IPO11: variants seen among roughly 807,000 people sequenced by gnomAD.
The protein encoded by IPO11 is importin 11, also known as importin-11.
IPO11 carries 66 observed loss-of-function variants against 143.2 expected under a neutral mutation model. That is an observed-to-expected ratio of 0.46 (90% CI 0.38 to 0.57). The LOEUF is 0.57. IPO11 is among the 20% of genes least tolerant of loss of function. The probability of loss-of-function intolerance (pLI) is 0.00; values close to 1 mark genes in which losing one functional copy is unlikely to be tolerated. For missense variants in IPO11, 1,026 were observed against 1,141.0 expected, an observed-to-expected ratio of 0.90 and a Z score of 1.45; for synonymous variants, 385 against 377.8, an observed-to-expected ratio of 1.02 and a Z score of -0.22.
intron 1 of IPO11, among the ~76,000 whole-genome samples, chr5:62,415,687 C>T (rs923960491): frequency 1.3e-5 from 2 of 151,560 alleles, no homozygotes; most frequent in East Asian, 3.9e-4. Context: ...AGGCTGGTCT[C>T]GAACTCTCGA....
chr5:62,473,622 C>T (rs906777473), intron 7 of IPO11, among the ~76,000 whole-genome samples: 37 of 152,028 alleles, frequency 2.4e-4, no homozygotes, highest in African/African-American at 8.9e-4. Context: ...CATCATCATC[C>T]AGTATTTCAT....
In IPO11 at chr5:62,626,219, G is replaced by A. The variant is rs112001503; in HGVS notation, c.2764-935G>A. Among the ~76,000 whole-genome samples, 530 of 152,066 alleles carry A rather than the reference G, an allele frequency of 3.5e-3. 4 individuals carry two copies. Among genetic ancestry groups the A allele is most frequent in the African/African-American group, 0.012 (502 of 41,496 alleles). On this transcript the variant is annotated intron_variant, in intron 29 of 29. Coordinates refer to ENST00000325324, the MANE Select transcript of IPO11 (RefSeq NM_016338.5). ...TAATTTTTGTATTTTCAGTAGAGAC[G>A]GGGTTTCACCATATTGGCCAGGCTG... is the stretch of plus-strand genomic sequence containing the variant.
rs965907736 is a variant in IPO11, at chr5:62,451,702, T to G, written c.313-28T>G. The G allele has an allele frequency of 6.3e-6, 10 of 1,576,546 alleles. No individual in the cohort carries two copies. The African/African-American group carries it at 1.3e-4, about 21-fold the overall frequency. ...ATGCATTCCTTATCTATTGCCTTGA[T>G]TCCATTTGTTTAATTTTTTCCTTTC... is the stretch of plus-strand genomic sequence containing the variant. On this transcript the variant is annotated intron_variant, in intron 4 of 29. Coordinates refer to ENST00000325324, the MANE Select transcript of IPO11 (RefSeq NM_016338.5).
At chr5:62,497,606 C>G (rs191634006) in intron 16 of IPO11, among the ~76,000 whole-genome samples, 9 of 152,212 alleles carry the variant, frequency 5.9e-5, no homozygotes, top group African/African-American at 1.7e-4. Flanking sequence ...GTTGCTAGGA[C>G]TATAGGAGTG....
rs115852805 is a variant in IPO11, at chr5:62,461,144, C to G, written c.517-5987C>G. On this transcript the variant is annotated intron_variant, in intron 5 of 29. Transcript: ENST00000325324. ...ATGGGACTACTGCAGTGGGGTTTTG[C>G]AGTAGGGGAGAGAAATTGTGCTCAA... Among the ~76,000 whole-genome samples the G allele has an allele frequency of 4.6e-3, 692 of 151,882 alleles. 5 individuals carry two copies. The highest frequency in any genetic ancestry group is 0.016 in the African/African-American group (649 of 41,376).
intron 3 of IPO11, chr5:62,443,348 C>G (rs1007942770): frequency 1.9e-4 from 59 of 306,586 alleles, no homozygotes; most frequent in African/African-American, 1.2e-3. Flanking sequence ...AAATCAACAG[C>G]TATATTATTG....
chr5:62,467,355 T>G, intron 6 of IPO11, 92 bp downstream of exon 6: 2 of 1,328,462 alleles, frequency 1.5e-6, no homozygotes, highest in Non-Finnish European at 2.0e-6. Flanking sequence ...TGTTCCCAGT[T>G]TCACTGGAAA....
At chr5:62,589,580 T>C (rs186742655) in intron 27 of IPO11, among the ~76,000 whole-genome samples, 1 of 152,316 alleles carries the variant, frequency 6.6e-6, no homozygotes, top group Non-Finnish European at 1.5e-5. Flanking sequence ...TATTCCCATG[T>C]CCACCAAACC....
Position 62,476,764 on chromosome 5 carries a change from T to A in IPO11, c.828+11T>A, listed in dbSNP as rs26620. 5 of 1,506,824 alleles carry A rather than the reference T, an allele frequency of 3.3e-6. No homozygotes were observed. Among genetic ancestry groups the A allele is most frequent in the Non-Finnish European group, 4.5e-6 (5 of 1,122,734 alleles). 93.3% of individuals were successfully genotyped at this position (1,506,824 alleles called of 1,614,324 possible). ...CTTTTTACTAAAGTGGTAAGTTTTT[T>A]AAAAACTTGTTTTCTCAAATATAAT... On this transcript the variant is annotated intron_variant, in intron 9 of 29. Coordinates refer to ENST00000325324, the MANE Select transcript of IPO11 (RefSeq NM_016338.5).
At position 62,550,434 on chromosome 5, in the gene IPO11, A is replaced by C. The variant is rs374422328; in HGVS notation, c.2318A>C (p.Tyr773Ser). The C allele has an allele frequency of 6.2e-7, 1 of 1,612,408 alleles. No homozygotes were observed. Among genetic ancestry groups the C allele is most frequent in the Non-Finnish European group, 8.5e-7 (1 of 1,178,948 alleles). ...GPQMFQPILPYVFKGIIEGER... is the reference protein window; with the variant it reads ...GPQMFQPILPSVFKGIIEGER... ...CAAATGTTTCAACCGATTTTACCCT[A>C]TGTTTTCAAGGGTATTATAGAAGGG... The change falls in exon 25 of 30, where the codon TAT (tyrosine) becomes TCT (serine). Residue 773 changes from tyrosine to serine, a missense_variant. This residue lies in a region of IPO11 where 351 missense variants were observed against 358.9 expected (regional missense o/e 0.98). Coordinates refer to ENST00000325324, the MANE Select transcript of IPO11 (RefSeq NM_016338.5).
At chr5:62,621,818 AC>A (rs1746388418) in intron 29 of IPO11, among the ~76,000 whole-genome samples, 1 of 152,212 alleles carries the variant, frequency 6.6e-6, no homozygotes, top group African/African-American at 2.4e-5. Context: ...AATTCAGGAA[AC>A]AAAAACCAAA....
At chr5:62,421,411 T>C (rs1315068296) in intron 1 of IPO11, among the ~76,000 whole-genome samples, 1 of 152,246 alleles carries the variant, frequency 6.6e-6, no homozygotes, top group Admixed American at 6.5e-5. Context: ...ACTTGATGTA[T>C]TTTTGTTCTT....
At chr5:62,423,340 A>G (rs1275882145) in intron 1 of IPO11, among the ~76,000 whole-genome samples, 1 of 152,224 alleles carries the variant, frequency 6.6e-6, no homozygotes, top group Non-Finnish European at 1.5e-5. Flanking sequence ...ACACTGTGCT[A>G]GGTAATGGCA....
chr5:62,466,122 C>G (rs959319006), intron 5 of IPO11, among the ~76,000 whole-genome samples: 10 of 152,114 alleles, frequency 6.6e-5, no homozygotes, highest in Non-Finnish European at 1.5e-4. Context: ...TTCTTACAAG[C>G]CTTCTATCCT....
At chr5:62,549,469 G>C (rs570660534) in intron 24 of IPO11, among the ~76,000 whole-genome samples, 130 of 152,290 alleles carry the variant, frequency 8.5e-4, no homozygotes, top group African/African-American at 2.9e-3. Context: ...TGGGATGACT[G>C]TAAATGGTTC....
Position 62,418,176 on chromosome 5 carries a change from T to C in IPO11, c.-7+5247T>C, listed in dbSNP as rs1743370445. Reference sequence around the variant, plus strand: ...CACGCCTGCCTAGTTTTTTTTTTTTTTTCTTTGAGAGAGAGTTTCACTCTT... The same window carrying C: ...CACGCCTGCCTAGTTTTTTTTTTTTCTTCTTTGAGAGAGAGTTTCACTCTT... On this transcript the variant is annotated intron_variant, in intron 1 of 29. Coordinates refer to ENST00000325324, the MANE Select transcript of IPO11 (RefSeq NM_016338.5). 2.6e-5 allele frequency among the ~76,000 whole-genome samples: 4 copies of C among 151,910 alleles called. No individual in the cohort carries two copies. In the South Asian group the frequency reaches 8.3e-4, roughly 32 times the overall value.
intron 19 of IPO11, among the ~76,000 whole-genome samples, chr5:62,514,088 G>T (rs533802439): frequency 4.0e-4 from 61 of 151,624 alleles, no homozygotes; most frequent in Middle Eastern, 3.4e-3. Flanking sequence ...GCCGGGCAGA[G>T]ACGCTCCTCA....
At chr5:62,453,007 T>C (rs897915985) in intron 5 of IPO11, among the ~76,000 whole-genome samples, 7 of 150,708 alleles carry the variant, frequency 4.6e-5, no homozygotes, top group African/African-American at 1.0e-4. Flanking sequence ...CCTTCTGTAA[T>C]TGTAGAGAAA....
At chr5:62,605,723 T>TATTATG (rs945377545) in intron 29 of IPO11, among the ~76,000 whole-genome samples, 1 of 150,012 alleles carries the variant, frequency 6.7e-6, no homozygotes, top group African/African-American at 2.4e-5. Context: ...GTATTATTAT[T>TATTATG]ATTATTATTA....
Sources: allele counts gnomAD v4.1 joint callset (sites outside exome capture counted in the v4.1 genomes callset), GRCh38; gene constraint gnomAD v4.1.1; regional missense constraint gnomAD v4.1.1; transcripts MANE v1.5; gene names NCBI Gene and HGNC (gene_info 2026-07-23, HGNC 2026-07-21).